PDE1C: variants seen among roughly 807,000 people sequenced by gnomAD.
The protein encoded by PDE1C is dual specificity calcium/calmodulin-dependent 3',5'-cyclic nucleotide phosphodiesterase 1C.
PDE1C carries 62 observed loss-of-function variants against 93.1 expected under a neutral mutation model. The observed-to-expected ratio is 0.67, with a 90% confidence interval of 0.54 to 0.82. The LOEUF (loss-of-function observed/expected upper bound fraction) is 0.82. PDE1C is among the 40% of genes least tolerant of loss of function. PDE1C has a pLI of 0.00. For synonymous variants in PDE1C, 325 were observed against 310.1 expected (o/e 1.05, Z -0.50); for missense variants, 742 against 884.6 (o/e 0.84, Z 2.04).
intron 3 of PDE1C, among the ~76,000 whole-genome samples, chr7:32,109,331 C>A (rs1035641844): frequency 2.6e-5 from 4 of 152,212 alleles, no homozygotes; most frequent in Middle Eastern, 3.4e-3. Flanking sequence ...TATGTAAGGA[C>A]AGATGTTTAT....
chr7:32,010,336 C>T (rs963945682), intron 2 of PDE1C, among the ~76,000 whole-genome samples: 1 of 152,170 alleles, frequency 6.6e-6, no homozygotes, highest in Admixed American at 6.5e-5. Flanking sequence ...TTGAAACATA[C>T]ACACATGAAT....
At position 32,041,567 on chromosome 7, in the gene PDE1C, G is replaced by T. The variant is rs1486710929; in HGVS notation, c.128+9987C>A. Among the ~76,000 whole-genome samples, 4 of 152,258 alleles carry T rather than the reference G, an allele frequency of 2.6e-5. No homozygotes were observed. In the East Asian group the frequency reaches 5.8e-4, roughly 22 times the overall value. The stretch of plus-strand genomic sequence containing the variant: ...AAGGCAGTATCGTATTAAATCAGAG[G>T]ATAGAAAAATACAGAACATGTTTTC... On this transcript the variant is annotated intron_variant, in intron 2 of 17. Transcript: ENST00000396191.
At chr7:32,282,392 C>T (rs992488313) in intron 1 of PDE1C, among the ~76,000 whole-genome samples, 2 of 150,736 alleles carry the variant, frequency 1.3e-5, no homozygotes, top group African/African-American at 2.4e-5. Flanking sequence ...AGGAGAATCG[C>T]TTGAACCCAG....
downstream of PDE1C, among the ~76,000 whole-genome samples, chr7:31,747,272 T>A (rs187756199): frequency 4.9e-4 from 75 of 152,318 alleles, no homozygotes; most frequent in African/African-American, 1.8e-3. Context: ...CCTTTCTACC[T>A]TTCCTCACTA....
chr7:32,299,094 TC>T, exon 1 of PDE1C: 1 of 1,063,134 alleles, frequency 9.4e-7, no homozygotes, highest in Non-Finnish European at 1.1e-6. Flanking sequence ...CTACTCTCTG[TC>T]AGCCGCGGAT....
chr7:31,638,321 T>C, the PDE1C span, among the ~76,000 whole-genome samples: 4 of 152,216 alleles, frequency 2.6e-5, no homozygotes, highest in Non-Finnish European at 5.9e-5. Context: ...ATAGTGAGTA[T>C]ACACTATTTC....
chr7:31,617,517 TTCATTG>T, the PDE1C span, among the ~76,000 whole-genome samples: 7 of 152,052 alleles, frequency 4.6e-5, no homozygotes, highest in Admixed American at 3.9e-4. Flanking sequence ...AGAAAACAAC[TTCATTG>T]TGAGTGGAGA....
chr7:32,093,956 A>G (rs1264795643), intron 3 of PDE1C, among the ~76,000 whole-genome samples: 1 of 152,210 alleles, frequency 6.6e-6, no homozygotes, highest in Admixed American at 6.5e-5. Flanking sequence ...GATAATACCC[A>G]AAAGGGAGAG....
At chr7:32,236,222 A>G (rs1176308103) in intron 1 of PDE1C, among the ~76,000 whole-genome samples, 1 of 152,164 alleles carries the variant, frequency 6.6e-6, no homozygotes. Flanking sequence ...TGAGAGACAT[A>G]CCACATTCAT....
chr7:32,067,396 A>T (rs985675579), intron 1 of PDE1C, among the ~76,000 whole-genome samples: 1 of 152,180 alleles, frequency 6.6e-6, no homozygotes, highest in African/African-American at 2.4e-5. Context: ...TAAACCTAAA[A>T]ATAAATAAAC....
intron 2 of PDE1C, among the ~76,000 whole-genome samples, chr7:31,931,109 T>C (rs191104006): frequency 7.7e-4 from 118 of 152,274 alleles, no homozygotes; most frequent in African/African-American, 2.7e-3. Context: ...GAGTTATTTA[T>C]GACAAAGCCA....
chr7:32,104,498 G>A (rs56033052), intron 3 of PDE1C, among the ~76,000 whole-genome samples: 23,914 of 152,162 alleles, frequency 0.16, 2,495 homozygotes, highest in Non-Finnish European at 0.23. Flanking sequence ...CTTTTCTCAG[G>A]AAGCAATAGA....
intron 7 of PDE1C, among the ~76,000 whole-genome samples, chr7:31,851,533 T>C (rs1793345749): frequency 6.6e-6 from 1 of 152,224 alleles, no homozygotes; most frequent in Admixed American, 6.5e-5. Context: ...TCTGTGGATT[T>C]ACTTCCTATC....
Position 32,153,203 on chromosome 7 carries a change from T to C in PDE1C, c.308+16582A>G, listed in dbSNP as rs983192346. ...TGCCTGCATTCTGTTGAATTGGCTT[T>C]TGGAAAAAGACAACATAAGGGACAT... is the stretch of plus-strand genomic sequence containing the variant. On this transcript the variant is annotated intron_variant, in intron 3 of 18. Coordinates refer to the PDE1C transcript ENST00000396193. Among the ~76,000 whole-genome samples the C allele has an allele frequency of 3.3e-5, 5 of 152,138 alleles. No individual in the cohort carries two copies. In the East Asian group the frequency reaches 5.8e-4, roughly 18 times the overall value.
At chr7:32,348,019 C>A (rs1300869070) in intron 1 of PDE1C, among the ~76,000 whole-genome samples, 2 of 152,144 alleles carry the variant, frequency 1.3e-5, no homozygotes, top group African/African-American at 4.8e-5. Flanking sequence ...TTGTCCAACC[C>A]TAAGATAGAT....
chr7:31,754,709 A>T (rs531093498), intron 17 of PDE1C, among the ~76,000 whole-genome samples: 1 of 152,342 alleles, frequency 6.6e-6, no homozygotes, highest in African/African-American at 2.4e-5. Context: ...AGATGATAAA[A>T]ACATCAGAGA....
the PDE1C span, among the ~76,000 whole-genome samples, chr7:31,734,059 T>C: frequency 5.6e-3 from 848 of 152,130 alleles, 8 homozygotes; most frequent in African/African-American, 0.019. Flanking sequence ...CTTAAAGAAG[T>C]AATAAAACTA....
At chr7:31,824,143 C>G (rs902466027) in intron 13 of PDE1C, among the ~76,000 whole-genome samples, 1 of 152,064 alleles carries the variant, frequency 6.6e-6, no homozygotes, top group Non-Finnish European at 1.5e-5. Context: ...CTTCTTCCTC[C>G]TTTATGACAA....
At chr7:31,939,884 G>C (rs935530531) in intron 2 of PDE1C, among the ~76,000 whole-genome samples, 13 of 152,166 alleles carry the variant, frequency 8.5e-5, no homozygotes, top group Non-Finnish European at 1.3e-4. Context: ...CCAACTGAGA[G>C]TCTTAGAAAA....
Sources: gnomAD v4.1 joint callset for allele counts (sites outside exome capture counted in the v4.1 genomes callset) on GRCh38, gnomAD v4.1.1 for gene constraint, MANE v1.5 for transcripts, NCBI Gene and HGNC (gene_info 2026-07-23, HGNC 2026-07-21) for gene names.